PRKG2: variants seen among roughly 807,000 people sequenced by gnomAD.
PRKG2 encodes protein kinase cGMP-dependent 2.
A neutral mutation model predicts 97.2 loss-of-function variants in PRKG2; 33 were observed. The ratio of observed to expected loss-of-function variants is 0.34; its 90% CI spans 0.26 to 0.45. The LOEUF is 0.45. Ranked by LOEUF, PRKG2 falls within the 20% of genes least tolerant of loss-of-function variation. PRKG2 has a pLI of 1.00. For synonymous variants in PRKG2, 330 were observed against 321.8 expected (o/e 1.03, Z -0.27); for missense variants, 638 against 900.0 (o/e 0.71, Z 3.73).
intron 14 of PRKG2, among the ~76,000 whole-genome samples, chr4:81,119,808 G>A (rs554959899): frequency 1.3e-5 from 2 of 151,860 alleles, no homozygotes; most frequent in Non-Finnish European, 2.9e-5. Flanking sequence ...CCGAGTAGCT[G>A]GGGCTACAGG....
At chr4:81,145,629 T>A (rs1448947075) in intron 9 of PRKG2, among the ~76,000 whole-genome samples, 1 of 152,104 alleles carries the variant, frequency 6.6e-6, no homozygotes, top group African/African-American at 2.4e-5. Flanking sequence ...GAAAAAATAA[T>A]CCTTTTCCTC....
At chr4:81,119,611 A>C (rs913555133) in intron 14 of PRKG2, among the ~76,000 whole-genome samples, 9 of 152,046 alleles carry the variant, frequency 5.9e-5, no homozygotes, top group Non-Finnish European at 8.8e-5. Context: ...TCCATATATA[A>C]ATTTTAGAAT....
At chr4:81,095,662 G>A (rs1235034290) in intron 17 of PRKG2, among the ~76,000 whole-genome samples, 1 of 152,094 alleles carries the variant, frequency 6.6e-6, no homozygotes, top group African/African-American at 2.4e-5. Context: ...TAATGCAAGC[G>A]CCAGCATGCA....
At chr4:81,205,193 C>A (rs531879455) in intron 1 of PRKG2, 133 bp from the exon 2 acceptor site, 5 of 587,378 alleles carry the variant, frequency 8.5e-6, no homozygotes, top group Non-Finnish European at 1.4e-5. Flanking sequence ...CAATAAACTT[C>A]CCGAAGTTTC....
rs762927878 is a variant in PRKG2 at position 81,167,175 on chromosome 4, C to A, written c.898G>T (p.Asp300Tyr). The A allele has an allele frequency of 5.0e-6, 8 of 1,592,326 alleles. No homozygotes were observed. In the Admixed American group the frequency reaches 9.0e-5, roughly 18 times the overall value. ...AAATTTCTTACCACTTCCAAGCAGTCAATGATCTTGGTTAATTTATCTTCA... is the reference window on the plus strand; with the variant it reads ...AAATTTCTTACCACTTCCAAGCAGTAAATGATCTTGGTTAATTTATCTTCA... ...LPEDKLTKII[D>Y]CLEVEYYDKG... The change falls in exon 6 of 19, where the codon GAC becomes TAC. Residue 300 changes from aspartate (D) to tyrosine (Y), a missense_variant. Physicochemically the swap from Asp to Tyr is radical, Grantham distance 160. This residue lies in a region of PRKG2 where 332 missense variants were observed against 421.7 expected (regional missense o/e 0.79). Transcript: ENST00000264399.
chr4:81,193,827 G>A (rs533748103), intron 2 of PRKG2, among the ~76,000 whole-genome samples: 1 of 152,286 alleles, frequency 6.6e-6, no homozygotes, highest in East Asian at 1.9e-4. Flanking sequence ...GCAACAGACA[G>A]AGCAAAACTC....
Position 81,135,279 on chromosome 4 carries a change from G to C in PRKG2, c.1652C>G (p.Pro551Arg), listed in dbSNP as rs1228394520. The change falls in exon 14 of 19, where the codon CCC becomes CGC. Residue 551 changes from proline (P) to arginine (R), a missense_variant. Around this residue, in one of 3 missense-constraint regions of PRKG2, gnomAD observed 304 missense variants for 460.5 expected, o/e 0.66. Coordinates refer to ENST00000264399, the MANE Select transcript of PRKG2 (RefSeq NM_006259.3). ...ACAAGCAACGCAGAATTTGGAGGTGGGTTCATCAAAGCTGCCTCTGCAACG... is the reference window on the plus strand; with the variant it reads ...ACAAGCAACGCAGAATTTGGAGGTGCGTTCATCAAAGCTGCCTCTGCAACG... The part of the protein sequence containing the change: ...ILRDRGSFDE[P>R]TSKFCVACVT... 3.1e-6 allele frequency: 5 copies of C among 1,611,832 alleles called. No homozygotes were observed. The highest frequency in any genetic ancestry group is 4.2e-6 in the Non-Finnish European group (5 of 1,178,854).
intron 2 of PRKG2, among the ~76,000 whole-genome samples, chr4:81,181,064 T>C (rs1751368523): frequency 6.9e-6 from 1 of 144,102 alleles, no homozygotes; most frequent in South Asian, 2.2e-4. Context: ...AAGTCCCACC[T>C]ATGAGTGAGA....
In PRKG2 at chr4:81,163,326, T is replaced by C. The variant is rs563672292; in HGVS notation, c.912+3835A>G. On this transcript the variant is annotated intron_variant, in intron 6 of 18. Transcript: ENST00000264399. ...AGACCAAAAAGAGAAATGCAAATAG[T>C]GTGGTTATTGTCCTTGTGGTTACAT... is the stretch of plus-strand genomic sequence containing the variant. Among the ~76,000 whole-genome samples the C allele has an allele frequency of 4.6e-5, 7 of 152,220 alleles. No individual in the cohort carries two copies. The South Asian group carries it at 1.2e-3, about 27-fold the overall frequency.
chr4:81,151,752 A>G (rs1280385925), intron 8 of PRKG2, among the ~76,000 whole-genome samples: 2 of 152,134 alleles, frequency 1.3e-5, no homozygotes, highest in Non-Finnish European at 2.9e-5. Context: ...CATTTTCACT[A>G]GCAAACTTAA....
At chr4:81,101,846 A>T (rs1042613890) in intron 17 of PRKG2, among the ~76,000 whole-genome samples, 2 of 152,176 alleles carry the variant, frequency 1.3e-5, no homozygotes, top group African/African-American at 4.8e-5. Context: ...TTTAGAAAGA[A>T]GCTTTTTTGT....
At chr4:81,125,187 A>G (rs1024435543) in intron 14 of PRKG2, among the ~76,000 whole-genome samples, 3 of 152,204 alleles carry the variant, frequency 2.0e-5, no homozygotes, top group African/African-American at 7.2e-5. Flanking sequence ...AATAAAATCC[A>G]TATATTTTTG....
chr4:81,206,206 T>C (rs1029178384), intron 1 of PRKG2, among the ~76,000 whole-genome samples: 1 of 152,256 alleles, frequency 6.6e-6, no homozygotes, highest in Non-Finnish European at 1.5e-5. Context: ...TAAGGCTTTT[T>C]AGACTACCTA....
chr4:81,117,796 GAGAGAA>G (rs879300047), intron 14 of PRKG2, among the ~76,000 whole-genome samples: 16,695 of 152,132 alleles, frequency 0.11, 1,650 homozygotes, highest in East Asian at 0.39. Flanking sequence ...TCCCTCGCCA[GAGAGAA>G]GCACTTGTTA....
intron 16 of PRKG2, among the ~76,000 whole-genome samples, chr4:81,104,751 C>T (rs900230489): frequency 6.6e-6 from 1 of 151,946 alleles, no homozygotes; most frequent in Non-Finnish European, 1.5e-5. Flanking sequence ...AAAACCGGGG[C>T]AAGCTTTAGA....
At chr4:81,174,388 T>C (rs1239648916) in intron 3 of PRKG2, among the ~76,000 whole-genome samples, 3 of 152,056 alleles carry the variant, frequency 2.0e-5, no homozygotes, top group Middle Eastern at 3.2e-3. Flanking sequence ...CACATGGTAT[T>C]GTGATTAGAA....
chr4:81,104,030 T>C (rs1397165156), intron 17 of PRKG2, among the ~76,000 whole-genome samples: 1 of 148,592 alleles, frequency 6.7e-6, no homozygotes, highest in Non-Finnish European at 1.5e-5. Flanking sequence ...GACTCTGTCA[T>C]AAGAAAAACA....
chr4:81,136,099 A>G (rs903810256), intron 13 of PRKG2, among the ~76,000 whole-genome samples: 2 of 152,160 alleles, frequency 1.3e-5, no homozygotes, highest in African/African-American at 4.8e-5. Flanking sequence ...AAATTTGCCT[A>G]TTGAAGCAAA....
chr4:81,191,921 G>C (rs1752556918), intron 2 of PRKG2, among the ~76,000 whole-genome samples: 1 of 152,030 alleles, frequency 6.6e-6, no homozygotes, highest in South Asian at 2.1e-4. Context: ...AAGTTATTTG[G>C]CCATCTATAT....
Sources: gnomAD v4.1 joint callset for allele counts (sites outside exome capture counted in the v4.1 genomes callset) on GRCh38, gnomAD v4.1.1 for gene constraint, gnomAD v4.1.1 regional missense constraint, MANE v1.5 for transcripts, NCBI Gene and HGNC (gene_info 2026-07-23, HGNC 2026-07-21) for gene names.